PNKD: variants seen among roughly 807,000 people sequenced by gnomAD.
The protein encoded by PNKD is PNKD metallo-beta-lactamase domain containing, also known as probable thioesterase PNKD.
Under a neutral mutation model 45.3 loss-of-function variants are expected in PNKD, and 36 were observed. That is an observed-to-expected ratio of 0.80 (90% CI 0.61 to 1.05). The LOEUF is 1.05. Among genes scored for constraint, PNKD ranks in the 50% least tolerant of loss-of-function variants. The pLI, the probability that PNKD is intolerant of heterozygous loss-of-function variation, is 0.00. For synonymous variants in PNKD, 197 were observed against 210.1 expected (o/e 0.94, Z 0.54); for missense variants, 511 against 506.6 (o/e 1.01, Z -0.08).
At chr2:218,283,518 G>C in intron 2 of PNKD, among the ~76,000 whole-genome samples, 1 of 152,242 alleles carries the variant, frequency 6.6e-6, no homozygotes, top group Middle Eastern at 3.4e-3. Context: ...GTCTGGGCTC[G>C]ACAGGGCCAC....
chr2:218,308,714 G>A (rs1011509538), intron 2 of PNKD, among the ~76,000 whole-genome samples: 1 of 151,754 alleles, frequency 6.6e-6, no homozygotes, highest in Non-Finnish European at 1.5e-5. Flanking sequence ...AGCCACCTGA[G>A]TAGCTGGGAT....
chr2:218,270,672 T>C (rs1165693616), intron 1 of PNKD, 70 bp downstream of exon 1: 7 of 472,162 alleles, frequency 1.5e-5, no homozygotes, highest in Admixed American at 4.2e-5. Context: ...AGCCCGACGA[T>C]AGCAGGAGGT....
chr2:218,289,834 A>C (rs563791961), intron 2 of PNKD: 1 of 151,828 alleles, frequency 6.6e-6, no homozygotes, highest in Non-Finnish European at 1.5e-5. Flanking sequence ...GGCTGTCCAC[A>C]CCCTCCCAAA....
At chr2:218,306,949 GA>G (rs1333662022) in intron 2 of PNKD, among the ~76,000 whole-genome samples, 2 of 152,158 alleles carry the variant, frequency 1.3e-5, no homozygotes, top group African/African-American at 4.8e-5. Flanking sequence ...ATCCTAAGTG[GA>G]AAATGCATTA....
At position 218,321,945 on chromosome 2, in the gene PNKD, T is replaced by G. The variant is rs947263027; in HGVS notation, c.237-17838T>G. On this transcript the variant is annotated intron_variant, in intron 2 of 9. Transcript: ENST00000273077. ...GGCCGAGCTTGACTCTTTTTTTTTT[T>G]TTTTTTTGAGCCGGAGTCTTGCTCT... Among the ~76,000 whole-genome samples the G allele has an allele frequency of 4.8e-4, 71 of 148,834 alleles. 1 individual carries two copies. Among genetic ancestry groups the G allele is most frequent in the African/African-American group, 1.7e-3 (68 of 40,344 alleles).
chr2:218,303,574 C>CTTTT (rs59067154), intron 2 of PNKD, among the ~76,000 whole-genome samples: 4 of 101,666 alleles, frequency 3.9e-5, no homozygotes, highest in Admixed American at 1.1e-4. Context: ...ACCTGCACTT[C>CTTTT]TTTTTTTTTT....
At chr2:218,304,940 G>A (rs1693368799) in intron 2 of PNKD, among the ~76,000 whole-genome samples, 1 of 152,104 alleles carries the variant, frequency 6.6e-6, no homozygotes, top group Non-Finnish European at 1.5e-5. Flanking sequence ...AGGCGTGGTG[G>A]CGGGCACCTG....
intron 2 of PNKD, among the ~76,000 whole-genome samples, chr2:218,314,243 T>TTTTTTTTTA (rs71064431): frequency 1.7e-5 from 2 of 115,238 alleles, no homozygotes; most frequent in African/African-American, 5.5e-5. Flanking sequence ...TTTTTTTTTT[T>TTTTTTTTTA]GAGACAGAGT....
intron 2 of PNKD, among the ~76,000 whole-genome samples, chr2:218,338,834 C>G (rs1694581517): frequency 6.7e-6 from 1 of 148,636 alleles, no homozygotes; most frequent in Non-Finnish European, 1.5e-5. Flanking sequence ...GTTTTGTCAC[C>G]CAGGCTGGAG....
At chr2:218,304,003 T>C (rs1391129763) in intron 2 of PNKD, among the ~76,000 whole-genome samples, 1 of 152,158 alleles carries the variant, frequency 6.6e-6, no homozygotes, top group East Asian at 1.9e-4. Context: ...CAGCTGCAGC[T>C]GAGTTTGGCA....
intron 2 of PNKD, among the ~76,000 whole-genome samples, chr2:218,295,044 T>A (rs1350913590): frequency 6.6e-6 from 1 of 152,124 alleles, no homozygotes; most frequent in Non-Finnish European, 1.5e-5. Flanking sequence ...TCTGCCCGAC[T>A]GGGGGAGTGG....
At chr2:218,284,733 G>A (rs1692361498) in intron 2 of PNKD, among the ~76,000 whole-genome samples, 1 of 152,214 alleles carries the variant, frequency 6.6e-6, no homozygotes, top group African/African-American at 2.4e-5. Context: ...TCTTCACCTG[G>A]AAAATGGGTC....
chr2:218,275,295 C>G (rs1429253844), intron 2 of PNKD: 2 of 731,030 alleles, frequency 2.7e-6, no homozygotes, highest in East Asian at 6.3e-5. Context: ...CTCCTCCGTC[C>G]CCACCAAGTA....
chr2:218,291,866 T>G (rs1370823511), intron 2 of PNKD, among the ~76,000 whole-genome samples: 2 of 152,016 alleles, frequency 1.3e-5, no homozygotes, highest in Non-Finnish European at 2.9e-5. Context: ...AAAGTCATGG[T>G]GATAGAGGTG....
chr2:218,315,879 A>C (rs1693798335), intron 2 of PNKD, among the ~76,000 whole-genome samples: 1 of 152,242 alleles, frequency 6.6e-6, no homozygotes. Context: ...ATAAGAAGCC[A>C]GTTCAAAACT....
intron 2 of PNKD, among the ~76,000 whole-genome samples, chr2:218,287,668 C>T (rs1692630130): frequency 6.6e-6 from 1 of 152,154 alleles, no homozygotes; most frequent in African/African-American, 2.4e-5. Context: ...CAAGAACATG[C>T]CATTGCACTC....
intron 2 of PNKD, among the ~76,000 whole-genome samples, chr2:218,297,745 A>G (rs1693179074): frequency 6.6e-6 from 1 of 150,738 alleles, no homozygotes; most frequent in African/African-American, 2.4e-5. Flanking sequence ...CACGCTTGTA[A>G]TCCCAGCACT....
At chr2:218,283,432 C>A (rs763092933) in intron 2 of PNKD, among the ~76,000 whole-genome samples, 1 of 152,174 alleles carries the variant, frequency 6.6e-6, no homozygotes, top group South Asian at 2.1e-4. Context: ...TCTGAGGTAG[C>A]AGAGATGCAG....
At chr2:218,309,019 C>T (rs1043730430) in intron 2 of PNKD, among the ~76,000 whole-genome samples, 4 of 151,984 alleles carry the variant, frequency 2.6e-5, no homozygotes, top group Admixed American at 2.6e-4. Context: ...TCTTGACCTC[C>T]AGGATCAAGA....
Sources: allele counts gnomAD v4.1 joint callset (sites outside exome capture counted in the v4.1 genomes callset), GRCh38; gene constraint gnomAD v4.1.1; transcripts MANE v1.5; gene names NCBI Gene and HGNC (gene_info 2026-07-23, HGNC 2026-07-21).